NYAP2: variants seen among roughly 807,000 people sequenced by gnomAD.
NYAP2 encodes neuronal tyrosine-phosphorylated phosphoinositide-3-kinase adaptor 2.
Under a neutral mutation model 50.4 loss-of-function variants are expected in NYAP2, and 23 were observed. The observed-to-expected ratio is 0.46, with a 90% confidence interval of 0.33 to 0.65. NYAP2 has a LOEUF of 0.65. NYAP2 is among the 30% of genes least tolerant of loss of function. The pLI, the probability that NYAP2 is intolerant of heterozygous loss-of-function variation, is 0.02. For missense variants in NYAP2, 885 were observed against 861.0 expected (o/e 1.03, Z -0.35); for synonymous variants, 394 against 365.2 (o/e 1.08, Z -0.90).
the NYAP2 span, among the ~76,000 whole-genome samples, chr2:225,694,183 G>C: frequency 6.6e-6 from 1 of 151,954 alleles, no homozygotes; most frequent in African/African-American, 2.4e-5. Flanking sequence ...TAAGGCCATT[G>C]AATTAAATAA....
intron 2 of NYAP2, among the ~76,000 whole-genome samples, chr2:225,407,269 C>T (rs1478738500): frequency 1.3e-5 from 2 of 152,028 alleles, no homozygotes; most frequent in African/African-American, 4.8e-5. Context: ...ATGTAAGCAT[C>T]TAATCTGATG....
intron 3 of NYAP2, among the ~76,000 whole-genome samples, chr2:225,426,274 A>G (rs190698653): frequency 1.3e-3 from 201 of 152,284 alleles, no homozygotes; most frequent in African/African-American, 4.5e-3. Flanking sequence ...GATTACGGAC[A>G]AATTACTCAG....
At chr2:225,600,273 G>T (rs1211523514) in intron 5 of NYAP2, among the ~76,000 whole-genome samples, 2 of 152,152 alleles carry the variant, frequency 1.3e-5, no homozygotes, top group Non-Finnish European at 2.9e-5. Flanking sequence ...ATTGATCTGG[G>T]TGGTGCCAGC....
intron 3 of NYAP2, among the ~76,000 whole-genome samples, chr2:225,410,367 A>T (rs779670624): frequency 1.3e-5 from 2 of 152,094 alleles, no homozygotes; most frequent in Admixed American, 6.6e-5. Flanking sequence ...TTTGATTTCT[A>T]ACCAATTTTA....
chr2:225,565,900 G>GT (rs1410681029), intron 4 of NYAP2, among the ~76,000 whole-genome samples: 1 of 148,078 alleles, frequency 6.8e-6, no homozygotes. Flanking sequence ...TTAAAAAACG[G>GT]TAAAAAAATG....
At chr2:225,609,547 C>A (rs959965015) in intron 5 of NYAP2, among the ~76,000 whole-genome samples, 1 of 152,098 alleles carries the variant, frequency 6.6e-6, no homozygotes, top group Admixed American at 6.6e-5. Context: ...TAGGTCCAAG[C>A]TGCATATGGA....
chr2:225,693,899 G>A, the NYAP2 span, among the ~76,000 whole-genome samples: 2 of 152,040 alleles, frequency 1.3e-5, no homozygotes, highest in Non-Finnish European at 1.5e-5. Flanking sequence ...AAGTCACTGT[G>A]TGTAGCCCAC....
intron 3 of NYAP2, among the ~76,000 whole-genome samples, chr2:225,432,487 A>G (rs1344676904): frequency 2.7e-5 from 4 of 150,334 alleles, no homozygotes; most frequent in African/African-American, 7.3e-5. Flanking sequence ...ATATATAAAT[A>G]GAGAGATATA....
At chr2:225,412,829 C>T (rs575400043) in intron 3 of NYAP2, among the ~76,000 whole-genome samples, 9 of 152,220 alleles carry the variant, frequency 5.9e-5, no homozygotes, top group Middle Eastern at 3.4e-3. Flanking sequence ...CATGCCTGCA[C>T]TGCAGAGGCA....
the NYAP2 span, among the ~76,000 whole-genome samples, chr2:225,671,367 T>C: frequency 6.6e-6 from 1 of 152,180 alleles, no homozygotes; most frequent in African/African-American, 2.4e-5. Context: ...GCATTTCATC[T>C]CAAGAAACCA....
intron 3 of NYAP2, among the ~76,000 whole-genome samples, chr2:225,492,398 T>C (rs1182385809): frequency 2.6e-5 from 4 of 152,232 alleles, no homozygotes; most frequent in African/African-American, 9.6e-5. Flanking sequence ...TTCCAAGTTA[T>C]GAGAACTTAG....
At chr2:225,502,590 A>G (rs1393063018) in intron 3 of NYAP2, among the ~76,000 whole-genome samples, 1 of 152,244 alleles carries the variant, frequency 6.6e-6, no homozygotes, top group African/African-American at 2.4e-5. Flanking sequence ...AGTTTTGCCC[A>G]AATATACTGA....
At chr2:225,521,882 C>T (rs1476811576) in intron 4 of NYAP2, among the ~76,000 whole-genome samples, 3 of 152,078 alleles carry the variant, frequency 2.0e-5, no homozygotes, top group Non-Finnish European at 2.9e-5. Context: ...TGGTAGAATT[C>T]GGCTGTGAAT....
the NYAP2 span, chr2:225,701,885 C>T: frequency 6.6e-6 from 1 of 151,624 alleles, no homozygotes; most frequent in African/African-American, 2.4e-5. Context: ...GTAGGTCTTG[C>T]CTATACATGG....
At chr2:225,452,568 A>G (rs117235484) in intron 3 of NYAP2, among the ~76,000 whole-genome samples, 3 of 152,266 alleles carry the variant, frequency 2.0e-5, no homozygotes, top group South Asian at 2.1e-4. Flanking sequence ...TAGGGCCTCA[A>G]TAGACATTTC....
intron 3 of NYAP2, among the ~76,000 whole-genome samples, chr2:225,429,808 C>T (rs1341109788): frequency 6.6e-6 from 1 of 152,154 alleles, no homozygotes; most frequent in Admixed American, 6.5e-5. Context: ...AATTCTGGTG[C>T]ATCTATGATA....
chr2:225,504,877 G>A (rs1165226173), intron 3 of NYAP2, among the ~76,000 whole-genome samples: 1 of 151,984 alleles, frequency 6.6e-6, no homozygotes, highest in East Asian at 1.9e-4. Flanking sequence ...GTATGGTGGT[G>A]TCTGCCTGTA....
At chr2:225,426,531 T>A (rs1227547926) in intron 3 of NYAP2, among the ~76,000 whole-genome samples, 1 of 152,172 alleles carries the variant, frequency 6.6e-6, no homozygotes, top group Non-Finnish European at 1.5e-5. Context: ...ATGATTGATA[T>A]CCTGAGATTT....
At chr2:225,685,641 TC>T in the NYAP2 span, among the ~76,000 whole-genome samples, 1 of 152,182 alleles carries the variant, frequency 6.6e-6, no homozygotes, top group Admixed American at 6.5e-5. Flanking sequence ...CACATTTTTT[TC>T]TATAGTCATT....
Sources: allele counts gnomAD v4.1 joint callset (sites outside exome capture counted in the v4.1 genomes callset), GRCh38; gene constraint gnomAD v4.1.1; transcripts MANE v1.5; gene names NCBI Gene and HGNC (gene_info 2026-07-23, HGNC 2026-07-21).